The following FHIT variants were observed in gnomAD, a reference collection of about 807,000 sequenced individuals.
FHIT encodes bis(5'-adenosyl)-triphosphatase.
Under a neutral mutation model 17.9 loss-of-function variants are expected in FHIT, and 19 were observed. That is an observed-to-expected ratio of 1.06 (90% CI 0.74 to 1.56). The LOEUF (loss-of-function observed/expected upper bound fraction) is 1.56. Ranked by LOEUF, FHIT falls within the 40% of genes most tolerant of loss-of-function variation. The pLI, the probability that FHIT is intolerant of heterozygous loss-of-function variation, is 0.00. For synonymous variants in FHIT, 81 were observed against 69.7 expected (o/e 1.16, Z -0.81); for missense variants, 248 against 189.2 (o/e 1.31, Z -1.82).
intron 8 of FHIT, among the ~76,000 whole-genome samples, chr3:59,797,957 G>A (rs1161752342): frequency 2.0e-5 from 3 of 152,138 alleles, no homozygotes; most frequent in East Asian, 3.9e-4. Flanking sequence ...TTCCTGTGAA[G>A]AACCTGAACA....
intron 3 of FHIT, among the ~76,000 whole-genome samples, chr3:60,958,870 C>T (rs1709288704): frequency 6.6e-6 from 1 of 152,062 alleles, no homozygotes; most frequent in Non-Finnish European, 1.5e-5. Flanking sequence ...AATTATTTAG[C>T]AATGGAATTA....
chr3:60,715,644 G>A (rs13073213), intron 4 of FHIT, among the ~76,000 whole-genome samples: 110,551 of 115,880 alleles, frequency 0.95, 52,850 homozygotes, highest in East Asian at 1. Flanking sequence ...GGGGGGAGGG[G>A]TAGCCTTAGG....
Position 59,963,473 on chromosome 3 carries a change from G to A in FHIT, c.280-41059C>T, listed in dbSNP as rs201988639. Among the ~76,000 whole-genome samples, 3 of 151,896 alleles carry A rather than the reference G, an allele frequency of 2.0e-5. No individual in the cohort carries two copies. The East Asian group carries it at 5.8e-4, about 29-fold the overall frequency. On this transcript the variant is annotated intron_variant, in intron 7 of 9. Transcript: ENST00000492590. Reference sequence around the variant, plus strand: ...TTTGTTACATGAGAGAGAGAAGGAGGAGGAGAGAGAGAGAGAGACAGAAAG... The same window carrying A: ...TTTGTTACATGAGAGAGAGAAGGAGAAGGAGAGAGAGAGAGAGACAGAAAG...
intron 3 of FHIT, among the ~76,000 whole-genome samples, chr3:60,884,413 C>A (rs1553758784): frequency 6.6e-6 from 1 of 151,948 alleles, no homozygotes; most frequent in Non-Finnish European, 1.5e-5. Flanking sequence ...ATCTGCATAC[C>A]CATGTTTACT....
chr3:60,242,772 TG>T (rs1444748670), intron 5 of FHIT, among the ~76,000 whole-genome samples: 7 of 152,238 alleles, frequency 4.6e-5, no homozygotes, highest in African/African-American at 1.4e-4. Flanking sequence ...TCATAATGGC[TG>T]AAAACTCTAT....
intron 8 of FHIT, among the ~76,000 whole-genome samples, chr3:59,799,216 T>C (rs751582274): frequency 2.0e-5 from 3 of 152,194 alleles, no homozygotes; most frequent in Non-Finnish European, 4.4e-5. Flanking sequence ...TTGCAACCAA[T>C]CAGCATTTTG....
intron 4 of FHIT, among the ~76,000 whole-genome samples, chr3:60,592,268 CTA>C (rs35356066): frequency 0.13 from 19,046 of 145,424 alleles, 1,632 homozygotes; most frequent in Non-Finnish European, 0.19. Flanking sequence ...TACTCTCTCT[CTA>C]TATATATATA....
intron 3 of FHIT, among the ~76,000 whole-genome samples, chr3:61,005,659 C>G (rs182776637): frequency 6.6e-6 from 1 of 152,082 alleles, no homozygotes; most frequent in African/African-American, 2.4e-5. Flanking sequence ...TTTTTCAGAG[C>G]AGGCTGTGTG....
chr3:59,901,270 T>C (rs1488335924), intron 8 of FHIT, among the ~76,000 whole-genome samples: 2 of 152,252 alleles, frequency 1.3e-5, no homozygotes, highest in Non-Finnish European at 2.9e-5. Context: ...ATTTCAGCTT[T>C]AGTTGATCCT....
intron 7 of FHIT, among the ~76,000 whole-genome samples, chr3:59,938,052 A>C (rs1180447136): frequency 6.6e-6 from 1 of 152,210 alleles, no homozygotes; most frequent in Admixed American, 6.5e-5. Context: ...GATGTGCTAC[A>C]AGTCCATATT....
intron 3 of FHIT, among the ~76,000 whole-genome samples, chr3:60,897,680 G>C (rs1472211469): frequency 6.6e-6 from 1 of 152,130 alleles, no homozygotes; most frequent in East Asian, 1.9e-4. Flanking sequence ...AAAACTGCAT[G>C]ACCTTTATTT....
intron 5 of FHIT, among the ~76,000 whole-genome samples, chr3:60,066,630 A>AGT (rs1702519100): frequency 1.9e-5 from 1 of 51,374 alleles, no homozygotes. Context: ...TCCCTGACAA[A>AGT]TTTTTTTTTT....
intron 5 of FHIT, among the ~76,000 whole-genome samples, chr3:60,501,546 T>C (rs959320468): frequency 2.6e-5 from 4 of 152,184 alleles, no homozygotes; most frequent in Admixed American, 6.5e-5. Flanking sequence ...GTCACAATTA[T>C]TTGGGAGTGG....
chr3:60,181,334 C>T (rs1390839509), intron 5 of FHIT, among the ~76,000 whole-genome samples: 3 of 151,874 alleles, frequency 2.0e-5, no homozygotes, highest in African/African-American at 7.3e-5. Context: ...TTAGTAGATA[C>T]GGTGTTCCAC....
intron 8 of FHIT, among the ~76,000 whole-genome samples, chr3:59,900,311 G>A (rs1704269585): frequency 6.6e-6 from 1 of 152,220 alleles, no homozygotes. Context: ...GTGCAGGCCT[G>A]TCCGCAGAAC....
intron 5 of FHIT, among the ~76,000 whole-genome samples, chr3:60,052,841 A>G (rs571950269): frequency 6.0e-5 from 9 of 150,056 alleles, no homozygotes; most frequent in Non-Finnish European, 1.2e-4. Context: ...TTTTCTTAGT[A>G]TAAGTATGTC....
At chr3:60,764,990 C>A (rs1553720989) in intron 4 of FHIT, among the ~76,000 whole-genome samples, 1 of 152,112 alleles carries the variant, frequency 6.6e-6, no homozygotes, top group African/African-American at 2.4e-5. Flanking sequence ...CTCAGTGGCA[C>A]TGGTCTCAGT....
intron 3 of FHIT, among the ~76,000 whole-genome samples, chr3:60,983,764 C>T (rs1006783661): frequency 6.6e-6 from 1 of 152,142 alleles, no homozygotes; most frequent in Non-Finnish European, 1.5e-5. Flanking sequence ...AAGCATGGGA[C>T]ATATAGGCTC....
chr3:60,487,685 T>A (rs2033899687), intron 5 of FHIT, among the ~76,000 whole-genome samples: 1 of 152,180 alleles, frequency 6.6e-6, no homozygotes, highest in South Asian at 2.1e-4. Context: ...CGCAGGGAAA[T>A]AAGCCTATCA....
Sources: gnomAD v4.1 joint callset for allele counts (sites outside exome capture counted in the v4.1 genomes callset) on GRCh38, gnomAD v4.1.1 for gene constraint, MANE v1.5 for transcripts, NCBI Gene and HGNC (gene_info 2026-07-23, HGNC 2026-07-21) for gene names.